Variants in NACAD observed in about 807,000 individuals in gnomAD.
NACAD encodes the protein NAC-alpha domain-containing protein 1.
A neutral mutation model predicts 98.9 loss-of-function variants in NACAD; 47 were observed. The ratio of observed to expected loss-of-function variants is 0.48; its 90% CI spans 0.38 to 0.61. The LOEUF (loss-of-function observed/expected upper bound fraction) is 0.61. NACAD is among the 20% of genes least tolerant of loss of function. The pLI is 0.00. For synonymous variants in NACAD, 696 were observed against 767.2 expected (o/e 0.91, Z 1.53); for missense variants, 1,412 against 1,748.2 (o/e 0.81, Z 3.43).
chr7:45,088,958 CCCGCCGAGCCTGCGCGGCCACCGCCCCT>C, exon 1 of NACAD: 1 of 1,240,200 alleles, frequency 8.1e-7, no homozygotes, highest in Non-Finnish European at 1.0e-6. This position sits in a 1 kb window ranked among gnomAD's most constrained non-coding sequence, Gnocchi z 5.7. Context: ...GTGCCGCCGC[CCCGCCGAGCCTGCGCGGCCACCGCCCCT>C]CGGCCGGGCG....
chr7:45,084,657 T>C lies in NACAD; in HGVS notation c.1523A>G (p.Glu508Gly), dbSNP rs1584012084. Residue 508 changes from glutamate (E) to glycine (G), a missense_variant, in exon 2 of 8, where the codon GAG (glutamate) becomes GGG (glycine). Coordinates refer to ENST00000490531, the MANE Select transcript of NACAD (RefSeq NM_001146334.2). ...VATRVTPQAG[E>G]EETDSTAGQE... ...TCCAGCGGTGGAGTCTGTTTCTTCC[T>C]CCCCAGCCTGTGGGGTCACTCTGGT... is the stretch of plus-strand genomic sequence containing the variant. 1 of 1,551,306 alleles carries C rather than the reference T, an allele frequency of 6.4e-7. No individual in the cohort carries two copies. Among genetic ancestry groups the C allele is most frequent in the Non-Finnish European group, 8.7e-7 (1 of 1,146,918 alleles).
At position 45,085,523 on chromosome 7, in the gene NACAD, G is replaced by A. The variant is rs1784506532; in HGVS notation, c.657C>T (p.Ser219=). ...AGCTGTCCCCATCGGCCGTAATGTA[G>A]GAGCCCGAGGGTGAGGCGGGGGGCG... ...LDSPPASPSG[S]YITADGDSWA... The change falls in exon 2 of 8, where the codon TCC becomes TCT. Residue 219 remains serine (S), a synonymous_variant. Coordinates refer to ENST00000490531, the MANE Select transcript of NACAD (RefSeq NM_001146334.2). The surrounding 1 kb of genome is among the most constrained non-coding windows in gnomAD (Gnocchi z 6.1). The A allele has an allele frequency of 6.4e-7, 1 of 1,550,732 alleles. No homozygotes were observed. The highest frequency in any genetic ancestry group is 8.7e-7 in the Non-Finnish European group (1 of 1,146,948).
At position 45,081,210 on chromosome 7, in the gene NACAD, G is replaced by A. The variant is rs1784425437; in HGVS notation, c.4311C>T (p.Ile1437=). Residue 1437 remains isoleucine (I), a synonymous_variant, in exon 5 of 8, where the codon ATC becomes ATT. Coordinates refer to ENST00000490531, the MANE Select transcript of NACAD (RefSeq NM_001146334.2). ...RQIQGVTRIT[I]QKSKNILFVI... The stretch of plus-strand genomic sequence containing the variant: ...CAAAGAGGATGTTCTTGGACTTCTG[G>A]ATGGTGATCCTGGTGACTCCCTGAA... 1 of 1,551,372 alleles carries A rather than the reference G, an allele frequency of 6.4e-7. No individual in the cohort carries two copies. The highest frequency in any genetic ancestry group is 8.7e-7 in the Non-Finnish European group (1 of 1,147,014).
rs3735493 is a variant in NACAD, at chr7:45,082,725, C to A, written c.3455G>T (p.Cys1152Phe). 0.16 allele frequency: 250,336 copies of A among 1,534,884 alleles called. 21,758 individuals carry two copies. The highest frequency in any genetic ancestry group is 0.2 in the Middle Eastern group (1,195 of 5,854). Residue 1152 changes from cysteine to phenylalanine, a missense_variant, in exon 2 of 8, where the codon TGC becomes TTC. Around this residue, in one of 5 missense-constraint regions of NACAD, gnomAD observed 572 missense variants for 639.6 expected, o/e 0.89. Transcript: ENST00000490531. The surrounding 1 kb of genome is among the most constrained non-coding windows in gnomAD (Gnocchi z 4.5). ...AVATEASLDS[C>F]PESSVGAVSS... ...CACAGCCCCTACTGAAGACTCTGGG[C>A]AGGAGTCCAGACTGGCCTCTGTGGC...
chr7:45,081,356 C>T, intron 4 of NACAD, 93 bp from the exon 5 acceptor site: 1 of 1,477,862 alleles, frequency 6.8e-7, no homozygotes. Context: ...AAAGTCTCCA[C>T]CGCCAACTTC....
rs1189316909 is a variant in NACAD, at chr7:45,088,156, C to T, written c.67+672G>A. 6.6e-6 allele frequency among the ~76,000 whole-genome samples: 1 copy of T among 152,212 alleles called. No homozygotes were observed. Among genetic ancestry groups the T allele is most frequent in the Non-Finnish European group, 1.5e-5 (1 of 68,036 alleles). On this transcript the variant is annotated intron_variant, in intron 1 of 7. Coordinates refer to ENST00000490531, the MANE Select transcript of NACAD (RefSeq NM_001146334.2). The surrounding 1 kb of genome is among the most constrained non-coding windows in gnomAD (Gnocchi z 5.7). ...CCTCCACGCCAGGACTGTCCAGGCT[C>T]GGCTCTTTCTAGGCCCCGTAGACCC...
Position 45,083,224 on chromosome 7 carries a change from G to C in NACAD, c.2956C>G (p.Leu986Val), listed in dbSNP as rs770278908. Residue 986 changes from leucine to valine, a missense_variant, in exon 2 of 8, where the codon CTC becomes GTC. By Grantham distance (32) the Leu-to-Val change is conservative. Around this residue, in one of 5 missense-constraint regions of NACAD, gnomAD observed 572 missense variants for 639.6 expected, o/e 0.89. Transcript: ENST00000490531. ...RPAPEEKNAA[L>V]PTVPEPAALD... ...GCTGCAGGCTCCGGGACTGTAGGGA[G>C]GGCTGCATTCTTCTCCTCAGGTGCT... 1.3e-6 allele frequency: 2 copies of C among 1,550,896 alleles called. No individual in the cohort carries two copies. The highest frequency in any genetic ancestry group is 2.0e-5 in the Admixed American group (1 of 51,006).
chr7:45,080,987 T>G lies in NACAD; in HGVS notation c.4440A>C (p.Ala1480=). The change falls in exon 6 of 8, where the codon GCA becomes GCC. Residue 1480 remains alanine (A), a synonymous_variant. Transcript: ENST00000490531. ...CTGAGGGCACCTTAAACTTCTCAGC[T>G]GCGGCTTTGTGCACTTGCTGGGACA... ...EDLSQQVHKA[A]AEKFKVPSEP... is the part of the protein sequence containing the mutation. The G allele has an allele frequency of 6.4e-7, 1 of 1,551,924 alleles. No individual in the cohort carries two copies. The highest frequency in any genetic ancestry group is 8.7e-7 in the Non-Finnish European group (1 of 1,147,100).
rs748239920 is a variant in NACAD at position 45,085,288 on chromosome 7, C to T, written c.892G>A (p.Asp298Asn). The T allele has an allele frequency of 1.3e-6, 2 of 1,551,088 alleles. No individual in the cohort carries two copies. Residue 298 changes from aspartate (D) to asparagine (N), a missense_variant, in exon 2 of 8, where the codon GAC (aspartate) becomes AAC (asparagine). This residue lies in a region of NACAD where 638 missense variants were observed against 722.7 expected (regional missense o/e 0.88). Transcript: ENST00000490531. This position sits in a 1 kb window ranked among gnomAD's most constrained non-coding sequence, Gnocchi z 6.1. ...ATCATTGGGTCATTGGCCAGGAAGT[C>T]CAGGTCGAAGAAGTGGCCCTCCTGG... ...WGQEGHFFDL[D>N]FLANDPMIPA... is the part of the protein sequence containing the mutation.
Position 45,083,081 on chromosome 7 carries a change from CGGCTCA to C in NACAD, c.3093_3098del (p.Glu1032_Pro1033del), listed in dbSNP as rs1164310587. Reference sequence around the variant, plus strand: ...CTATTTCCTCCCCAGCACCAGAGGCCGGCTCAGGGAGACTGAGGGCCTCCATGCCCA... The same window carrying C: ...CTATTTCCTCCCCAGCACCAGAGGCCGGGAGACTGAGGGCCTCCATGCCCA... On this transcript the variant is annotated inframe_deletion, in exon 2 of 8. Transcript: ENST00000490531. 8 of 1,550,834 alleles carry C rather than the reference CGGCTCA, an allele frequency of 5.2e-6. No homozygotes were observed. Among genetic ancestry groups the C allele is most frequent in the Non-Finnish European group, 5.2e-6 (6 of 1,147,008 alleles).
At position 45,080,887 on chromosome 7, in the gene NACAD, C is replaced by T; in HGVS notation, c.4540G>A (p.Glu1514Lys). 1.3e-6 allele frequency: 2 copies of T among 1,557,630 alleles called. No homozygotes were observed. Among genetic ancestry groups the T allele is most frequent in the Non-Finnish European group, 8.7e-7 (1 of 1,150,648 alleles). Residue 1514 changes from glutamate (E) to lysine (K), a missense_variant, in exon 6 of 8, where the codon GAG becomes AAG. By Grantham distance (56) the Glu-to-Lys change is moderately conservative. This residue lies in a region of NACAD where 88 missense variants were observed against 105.4 expected (regional missense o/e 0.84). Transcript: ENST00000490531. Reference sequence around the variant, plus strand: ...CCCCTGCACTTCACCTCTTCCTCCTCCTCCTCTTCCTCTTCCTTGCACTCC... The same window carrying T: ...CCCCTGCACTTCACCTCTTCCTCCTTCTCCTCTTCCTCTTCCTTGCACTCC... The part of the protein sequence containing the change: ...RLECKEEEEE[E>K]EEEVDEAGLE...
chr7:45,087,006 C>T (rs1784531245), intron 1 of NACAD, among the ~76,000 whole-genome samples: 1 of 152,158 alleles, frequency 6.6e-6, no homozygotes, highest in Non-Finnish European at 1.5e-5. Context: ...ATGCACTCCC[C>T]CAACCCGCTG....
chr7:45,081,512 A>G lies in NACAD; in HGVS notation c.4257+89T>C. On this transcript the variant is annotated intron_variant, in intron 4 of 7. Coordinates refer to ENST00000490531, the MANE Select transcript of NACAD (RefSeq NM_001146334.2). ...AAGGTCCCCTGATGGATGGGATTTC[A>G]TTAGCCATGGAGTGTGAGGGTCTTG... is the stretch of plus-strand genomic sequence containing the variant. 2.0e-6 allele frequency: 3 copies of G among 1,479,830 alleles called. No individual in the cohort carries two copies. In the South Asian group the frequency reaches 3.7e-5, roughly 18 times the overall value. 91.7% of individuals were successfully genotyped at this position (1,479,830 alleles called of 1,614,324 possible).
chr7:45,080,446 A>C lies in NACAD; in HGVS notation c.*63T>G. 6.4e-7 allele frequency: 1 copy of C among 1,550,528 alleles called. No homozygotes were observed. The highest frequency in any genetic ancestry group is 1.2e-5 in the South Asian group (1 of 84,042). On this transcript the variant is annotated 3_prime_UTR_variant, in exon 8 of 8. Coordinates refer to ENST00000490531, the MANE Select transcript of NACAD (RefSeq NM_001146334.2). ...AGACACCAGAGGGCAATGAAGGGAC[A>C]CCGATTTATTGAGTAGCAGAGCTGA...
intron 1 of NACAD, among the ~76,000 whole-genome samples, chr7:45,086,892 C>T (rs1211321011): frequency 1.3e-5 from 2 of 152,228 alleles, no homozygotes; most frequent in African/African-American, 4.8e-5. Flanking sequence ...CAGCCTCTGG[C>T]TGAGTCCTCT....
intron 1 of NACAD, among the ~76,000 whole-genome samples, chr7:45,087,535 A>G (rs1784539109): frequency 6.6e-6 from 1 of 152,238 alleles, no homozygotes; most frequent in Non-Finnish European, 1.5e-5. Context: ...GGTGACCAGG[A>G]CAACATCTCT....
chr7:45,085,696 A>G lies in NACAD; in HGVS notation c.484T>C (p.Ser162Pro). ...GGGTCTGGGGGAGGGGAAGGCACAG[A>G]AAGATCACCCTGAGAACACAGCTCG... ...PPELCSQGDLSVPSPPPDPDS... is the reference protein window; with the variant it reads ...PPELCSQGDLPVPSPPPDPDS... The change falls in exon 2 of 8, where the codon TCT becomes CCT. Residue 162 changes from serine to proline, a missense_variant. Around this residue, in one of 5 missense-constraint regions of NACAD, gnomAD observed 638 missense variants for 722.7 expected, o/e 0.88. Transcript: ENST00000490531. The surrounding 1 kb of genome is among the most constrained non-coding windows in gnomAD (Gnocchi z 6.1). 1 of 1,549,906 alleles carries G rather than the reference A, an allele frequency of 6.5e-7. No individual in the cohort carries two copies. The highest frequency in any genetic ancestry group is 1.2e-5 in the South Asian group (1 of 83,956).
chr7:45,082,634 C>T lies in NACAD; in HGVS notation c.3546G>A (p.Pro1182=), dbSNP rs761308260. ...CACTGCCCAGACCCAGTACAGGCTC[C>T]GGCTGCTGGGAGGTTGGTGCAGACG... The part of the protein sequence containing the change: ...APTSAPTSQQ[P]EPVLGLGSVE... The change falls in exon 2 of 8, where the codon CCG becomes CCA. Residue 1182 remains proline (P), a synonymous_variant. Transcript: ENST00000490531. The surrounding 1 kb of genome is among the most constrained non-coding windows in gnomAD (Gnocchi z 4.5). The T allele has an allele frequency of 5.2e-5, 79 of 1,514,356 alleles. 1 individual carries two copies. Among genetic ancestry groups the T allele is most frequent in the South Asian group, 1.1e-4 (9 of 78,590 alleles). The allele number at this position is 1,514,356 out of a possible 1,614,324, so 93.8% of individuals were successfully genotyped here. A position where few individuals can be genotyped will look rare whatever the true frequency, so the allele number is the denominator to read the frequency against.
chr7:45,085,320 G>A lies in NACAD; in HGVS notation c.860C>T (p.Ser287Phe). 1 of 1,551,100 alleles carries A rather than the reference G, an allele frequency of 6.4e-7. No individual in the cohort carries two copies. The highest frequency in any genetic ancestry group is 8.7e-7 in the Non-Finnish European group (1 of 1,146,892). The change falls in exon 2 of 8, where the codon TCC becomes TTC. Residue 287 changes from serine to phenylalanine, a missense_variant. Transcript: ENST00000490531. This position sits in a 1 kb window ranked among gnomAD's most constrained non-coding sequence, Gnocchi z 6.1. ...ESSLSADSSS[S>F]WGQEGHFFDL... is the part of the protein sequence containing the mutation. ...GAAGAAGTGGCCCTCCTGGCCCCAG[G>A]AGGAGCTGCTGTCTGCAGAGAGGCT...
Sources: allele counts gnomAD v4.1 joint callset (sites outside exome capture counted in the v4.1 genomes callset), GRCh38; gene constraint gnomAD v4.1.1; regional missense constraint gnomAD v4.1.1; non-coding constraint Gnocchi (gnomAD v3.1); transcripts MANE v1.5; gene names NCBI Gene and HGNC (gene_info 2026-07-23, HGNC 2026-07-21).